UBXN7: variants seen among roughly 807,000 people sequenced by gnomAD.
UBXN7 encodes the protein UBX domain protein 7.
In UBXN7, 9 loss-of-function variants were observed where a neutral mutation model predicts 58.0. The ratio of observed to expected loss-of-function variants is 0.16; its 90% CI spans 0.09 to 0.27. The LOEUF (loss-of-function observed/expected upper bound fraction) is 0.27, where lower values mean the gene tolerates loss of function less well. UBXN7 is among the 10% of genes least tolerant of loss of function. UBXN7 has a pLI of 1.00. For missense variants in UBXN7, 328 were observed against 599.6 expected (o/e 0.55, Z 4.73); for synonymous variants, 208 against 205.0 (o/e 1.01, Z -0.12).
chr3:196,430,715 G>A lies in UBXN7; in HGVS notation c.73+1612C>T, dbSNP rs141162038. ...AAGTGGCATCATAAACCATCTCTAG[G>A]AAATCTAAAGGATTAATAATGATAT... On this transcript the variant is annotated intron_variant, in intron 1 of 10. Transcript: ENST00000296328. 3.9e-3 allele frequency among the ~76,000 whole-genome samples: 593 copies of A among 152,168 alleles called. 2 individuals are homozygous for A. The highest frequency in any genetic ancestry group is 0.014 in the African/African-American group (566 of 41,502).
chr3:196,366,998 C>G (rs1481087179), intron 8 of UBXN7, among the ~76,000 whole-genome samples: 1 of 152,138 alleles, frequency 6.6e-6, no homozygotes, highest in African/African-American at 2.4e-5. Context: ...GCCTGCCCAA[C>G]AAGGCGAAAC....
intron 5 of UBXN7, among the ~76,000 whole-genome samples, chr3:196,372,343 C>CTTTCT (rs1728867280): frequency 9.3e-6 from 1 of 107,520 alleles, no homozygotes; most frequent in African/African-American, 3.1e-5. Context: ...TTCTTTCTTT[C>CTTTCT]TTTTTTTTTT....
intron 1 of UBXN7, among the ~76,000 whole-genome samples, chr3:196,427,925 A>G (rs1190201726): frequency 6.6e-6 from 1 of 152,140 alleles, no homozygotes; most frequent in East Asian, 1.9e-4. Context: ...TCAGTTTGAG[A>G]CCAGCTTGCC....
Position 196,368,038 on chromosome 3 carries a change from C to G in UBXN7, c.824G>C (p.Cys275Ser). Residue 275 changes from cysteine to serine, a missense_variant, in exon 8 of 11, where the codon TGT becomes TCT. Cys to Ser is a moderately radical substitution (Grantham distance 112, BLOSUM62 -1). This residue lies in a region of UBXN7 where 126 missense variants were observed against 302.6 expected (regional missense o/e 0.42). Coordinates refer to ENST00000296328, the MANE Select transcript of UBXN7 (RefSeq NM_015562.2). ...CCTAATTATACTTACTGAACGGGCA[C>G]ATTTTTTGGGGGGACTGCTAGAAAG... ...DGLSSSPPKK[C>S]ARSESLIDAS... 1 of 1,613,094 alleles carries G rather than the reference C, an allele frequency of 6.2e-7. No homozygotes were observed. The highest frequency in any genetic ancestry group is 8.5e-7 in the Non-Finnish European group (1 of 1,179,646).
intron 5 of UBXN7, among the ~76,000 whole-genome samples, chr3:196,377,193 C>A (rs1729056123): frequency 6.6e-6 from 1 of 152,132 alleles, no homozygotes; most frequent in South Asian, 2.1e-4. Context: ...AAATGAAGTC[C>A]CTGTGTTCAT....
chr3:196,389,721 T>C (rs570666831), intron 5 of UBXN7, among the ~76,000 whole-genome samples: 4 of 152,310 alleles, frequency 2.6e-5, no homozygotes, highest in Non-Finnish European at 4.4e-5. Context: ...TGTAGAAACG[T>C]TGAGTCAAAA....
At chr3:196,370,799 T>C (rs1577438769) in intron 6 of UBXN7, among the ~76,000 whole-genome samples, 1 of 138,398 alleles carries the variant, frequency 7.2e-6, no homozygotes, top group Non-Finnish European at 1.5e-5. Flanking sequence ...GGGAAGCAGA[T>C]GGCTTGGGCC....
chr3:196,405,321 T>C (rs1730126729), intron 2 of UBXN7, among the ~76,000 whole-genome samples: 1 of 151,548 alleles, frequency 6.6e-6, no homozygotes, highest in Non-Finnish European at 1.5e-5. Flanking sequence ...AATAAGAAAA[T>C]TAGCCGGGCG....
At chr3:196,403,960 T>C (rs1436808806) in intron 2 of UBXN7, among the ~76,000 whole-genome samples, 1 of 152,088 alleles carries the variant, frequency 6.6e-6, no homozygotes, top group Non-Finnish European at 1.5e-5. Context: ...AAGATTAGTT[T>C]ATTTTAGGTT....
chr3:196,360,124 T>C (rs558137989), intron 10 of UBXN7, among the ~76,000 whole-genome samples: 217 of 152,302 alleles, frequency 1.4e-3, no homozygotes, highest in Middle Eastern at 3.4e-3. Flanking sequence ...GGTTGGTTCA[T>C]GAGGTTGAAG....
chr3:196,377,957 G>A (rs1258839267), intron 5 of UBXN7, among the ~76,000 whole-genome samples: 1 of 152,206 alleles, frequency 6.6e-6, no homozygotes, highest in Non-Finnish European at 1.5e-5. Flanking sequence ...TTACAGGCAT[G>A]AGCCACTGCA....
At chr3:196,386,471 C>T (rs111492362) in intron 5 of UBXN7, among the ~76,000 whole-genome samples, 4 of 151,154 alleles carry the variant, frequency 2.6e-5, no homozygotes, top group Admixed American at 1.3e-4. Context: ...AAAACCCCAT[C>T]GTCTCAGCCC....
rs780596094 is a variant in UBXN7 at position 196,362,310 on chromosome 3, C to T, written c.1212G>A (p.Glu404=). The T allele has an allele frequency of 1.4e-5, 22 of 1,606,910 alleles. No homozygotes were observed. The highest frequency in any genetic ancestry group is 1.9e-5 in the Non-Finnish European group (22 of 1,177,664). Residue 404 remains glutamate (E), a synonymous_variant, in exon 9 of 11, where the codon GAG becomes GAA. Transcript: ENST00000296328. ...MPPEKADGVV[E]GIDVNGPKAQ... Reference sequence around the variant, plus strand: ...GTAACTTACCATTTACATCTATCCCCTCCACTACTCCATCTGCTTTTTCAG... The same window carrying T: ...GTAACTTACCATTTACATCTATCCCTTCCACTACTCCATCTGCTTTTTCAG...
intron 5 of UBXN7, among the ~76,000 whole-genome samples, chr3:196,381,614 G>A (rs184824404): frequency 6.6e-6 from 1 of 152,330 alleles, no homozygotes; most frequent in Non-Finnish European, 1.5e-5. Context: ...GCCAGCAACG[G>A]AACAACGCTG....
rs35971859 is a variant in UBXN7, at chr3:196,404,100, G to GAA, written c.222-1083_222-1082dup. Among the ~76,000 whole-genome samples, 88 of 145,316 alleles carry GAA rather than the reference G, an allele frequency of 6.1e-4. No individual in the cohort carries two copies. In the South Asian group the frequency reaches 0.017, roughly 28 times the overall value. On this transcript the variant is annotated intron_variant, in intron 2 of 10. Transcript: ENST00000296328. ...CCATCTCTAAAAAAAAAAAGAAAAA[G>GAA]AAAAAAAAAAATTACTTTGTTTTAC...
chr3:196,382,378 CAGCCAAACTA>C (rs1216292160), intron 5 of UBXN7, among the ~76,000 whole-genome samples: 4 of 152,146 alleles, frequency 2.6e-5, no homozygotes, highest in African/African-American at 9.7e-5. Flanking sequence ...ATTTCATATC[CAGCCAAACTA>C]AGCTTCATAA....
chr3:196,423,746 G>A (rs932479122), intron 1 of UBXN7, among the ~76,000 whole-genome samples: 1 of 152,168 alleles, frequency 6.6e-6, no homozygotes, highest in African/African-American at 2.4e-5. Flanking sequence ...GGCACTTAAA[G>A]TCCTGCATGG....
At chr3:196,361,497 A>G (rs1037341317) in intron 10 of UBXN7, among the ~76,000 whole-genome samples, 1 of 152,150 alleles carries the variant, frequency 6.6e-6, no homozygotes, top group African/African-American at 2.4e-5. Flanking sequence ...CACATGCTAC[A>G]GAGAAATTTT....
intron 5 of UBXN7, among the ~76,000 whole-genome samples, chr3:196,389,284 TGAG>T (rs1273711091): frequency 2.0e-5 from 3 of 152,158 alleles, no homozygotes; most frequent in Non-Finnish European, 4.4e-5. Context: ...TGAAGAAAAC[TGAG>T]GAGACATCTA....
Sources: gnomAD v4.1 joint callset for allele counts (sites outside exome capture counted in the v4.1 genomes callset) on GRCh38, gnomAD v4.1.1 for gene constraint, gnomAD v4.1.1 regional missense constraint, MANE v1.5 for transcripts, NCBI Gene and HGNC (gene_info 2026-07-23, HGNC 2026-07-21) for gene names.